The following ATP2A2 variants were observed in gnomAD, a reference collection of about 807,000 sequenced individuals.
ATP2A2 encodes sarcoplasmic/endoplasmic reticulum calcium ATPase 2.
Under a neutral mutation model 109.3 loss-of-function variants are expected in ATP2A2, and 14 were observed. That is an observed-to-expected ratio of 0.13 (90% CI 0.08 to 0.20). The LOEUF (loss-of-function observed/expected upper bound fraction) is 0.20. Among genes scored for constraint, ATP2A2 ranks in the 10% least tolerant of loss-of-function variants. The pLI, the probability that ATP2A2 is intolerant of heterozygous loss-of-function variation, is 1.00. For missense variants in ATP2A2, 657 were observed against 1,321.6 expected (o/e 0.50, Z 7.80); for synonymous variants, 506 against 490.9 (o/e 1.03, Z -0.41).
chr12:110,346,799 A>G lies in ATP2A2; in HGVS notation c.*329A>G. The stretch of plus-strand genomic sequence containing the variant: ...AGTTGAGCCAGCAGACATTGTCAGC[A>G]AATTAATTGGCAGCAGATTTTAGGA... On this transcript the variant is annotated 3_prime_UTR_variant, in exon 20 of 20. Coordinates refer to ENST00000539276, the MANE Select transcript of ATP2A2 (RefSeq NM_170665.4). 8.8e-7 allele frequency: 1 copy of G among 1,137,482 alleles called. No homozygotes were observed. The highest frequency in any genetic ancestry group is 1.1e-6 in the Non-Finnish European group (1 of 923,326). 70.5% of individuals were successfully genotyped at this position (1,137,482 alleles called of 1,614,324 possible). A position where few individuals can be genotyped will look rare whatever the true frequency, so the allele number is the denominator to read the frequency against.
chr12:110,329,523 TCTC>T (rs1455561004), intron 8 of ATP2A2: 2 of 152,298 alleles, frequency 1.3e-5, no homozygotes, highest in African/African-American at 4.8e-5. Context: ...TTCAAGCAAT[TCTC>T]CTGCTTCAGC....
chr12:110,284,530 T>C (rs3026443), intron 3 of ATP2A2, among the ~76,000 whole-genome samples: 2,209 of 152,318 alleles, frequency 0.015, 52 homozygotes, highest in African/African-American at 0.05. Flanking sequence ...TGAGTGACTT[T>C]ATATTAGCAT....
At chr12:110,334,537 C>T (rs1471772154) in intron 11 of ATP2A2, among the ~76,000 whole-genome samples, 1 of 150,658 alleles carries the variant, frequency 6.6e-6, no homozygotes, top group African/African-American at 2.4e-5. Context: ...TTCCTTTGAC[C>T]TTATTTCCCC....
chr12:110,303,326 C>CA (rs1874886283), intron 5 of ATP2A2, among the ~76,000 whole-genome samples: 1 of 152,084 alleles, frequency 6.6e-6, no homozygotes, highest in Non-Finnish European at 1.5e-5. Flanking sequence ...CTCCCAGTTT[C>CA]AAGTGATTCT....
In ATP2A2 at chr12:110,348,073, TTTC is replaced by T; in HGVS notation, c.*1604_*1606del. On this transcript the variant is annotated 3_prime_UTR_variant, in exon 20 of 20. Coordinates refer to ENST00000539276, the MANE Select transcript of ATP2A2 (RefSeq NM_170665.4). ...AAAAGCCGGAGTGGGGAGAGAGGCA[TTTC>T]AGCCAGACCAACAGGCTGAAGGAGC... 1 of 986,348 alleles carries T rather than the reference TTTC, an allele frequency of 1.0e-6. No individual in the cohort carries two copies. The highest frequency in any genetic ancestry group is 4.7e-5 in the South Asian group (1 of 21,328). 61.1% of individuals were successfully genotyped at this position (986,348 alleles called of 1,614,324 possible).
At position 110,340,506 on chromosome 12, in the gene ATP2A2, C is replaced by G. The variant is rs1160957116; in HGVS notation, c.1762-153C>G. On this transcript the variant is annotated intron_variant, in intron 13 of 19. Coordinates refer to ENST00000539276, the MANE Select transcript of ATP2A2 (RefSeq NM_170665.4). The surrounding 1 kb of genome is among the most constrained non-coding windows in gnomAD (Gnocchi z 6.0). Reference sequence around the variant, plus strand: ...TGAGCTGAGATTGCGCCATGGCACTCCAGCCTGGGCAACAAGAGCGAAACT... The same window carrying G: ...TGAGCTGAGATTGCGCCATGGCACTGCAGCCTGGGCAACAAGAGCGAAACT... Among the ~76,000 whole-genome samples the G allele has an allele frequency of 2.0e-5, 3 of 151,064 alleles. No homozygotes were observed. Among genetic ancestry groups the G allele is most frequent in the Admixed American group, 6.6e-5 (1 of 15,170 alleles).
intron 14 of ATP2A2, among the ~76,000 whole-genome samples, chr12:110,341,910 T>C (rs979629542): frequency 2.6e-5 from 4 of 152,218 alleles, no homozygotes; most frequent in African/African-American, 9.6e-5. Flanking sequence ...TGCATCTTTC[T>C]ACTTGAAATT....
chr12:110,293,604 A>G (rs969087790), intron 4 of ATP2A2, among the ~76,000 whole-genome samples: 2 of 151,296 alleles, frequency 1.3e-5, no homozygotes, highest in Non-Finnish European at 2.9e-5. Flanking sequence ...TTTGTTGGTC[A>G]GGCTGGTCTC....
rs1411192123 is a variant in ATP2A2, at chr12:110,349,901, G to C, written c.*3431G>C. The C allele has an allele frequency of 9.1e-7, 1 of 1,100,432 alleles. No individual in the cohort carries two copies. The highest frequency in any genetic ancestry group is 1.6e-5 in the African/African-American group (1 of 61,588). 68.2% of individuals were successfully genotyped at this position (1,100,432 alleles called of 1,614,324 possible). On this transcript the variant is annotated 3_prime_UTR_variant, in exon 20 of 20. Transcript: ENST00000539276. ...CAGAAGCCGGGTGCCCACAGGGCAG[G>C]GACAGGAAGGCTGTGCTGCTACTGG...
Position 110,348,117 on chromosome 12 carries a change from T to C in ATP2A2, c.*1647T>C. The C allele has an allele frequency of 4.1e-6, 4 of 985,542 alleles. No homozygotes were observed. The highest frequency in any genetic ancestry group is 4.8e-6 in the Non-Finnish European group (4 of 830,000). The allele number at this position is 985,542 out of a possible 1,614,324, so 61.0% of individuals were successfully genotyped here. A position where few individuals can be genotyped will look rare whatever the true frequency, so the allele number is the denominator to read the frequency against. On this transcript the variant is annotated 3_prime_UTR_variant, in exon 20 of 20. Coordinates refer to ENST00000539276, the MANE Select transcript of ATP2A2 (RefSeq NM_170665.4). ...CTGAAGGAGCTGTGCAGACTATTGC[T>C]AAAATGAGGGTTCGCAGCTGCCAGG...
chr12:110,306,329 G>A (rs183893050), intron 5 of ATP2A2, among the ~76,000 whole-genome samples: 28 of 152,324 alleles, frequency 1.8e-4, no homozygotes, highest in African/African-American at 4.8e-4. Flanking sequence ...GTGAGCCACC[G>A]CGCCCGGCCT....
chr12:110,347,561 A>G lies in ATP2A2; in HGVS notation c.*1091A>G. 1 of 1,284,528 alleles carries G rather than the reference A, an allele frequency of 7.8e-7. No individual in the cohort carries two copies. The highest frequency in any genetic ancestry group is 1.0e-6 in the Non-Finnish European group (1 of 985,362). 79.6% of individuals were successfully genotyped at this position (1,284,528 alleles called of 1,614,324 possible). A position where few individuals can be genotyped will look rare whatever the true frequency, so the allele number is the denominator to read the frequency against. On this transcript the variant is annotated 3_prime_UTR_variant, in exon 20 of 20. Coordinates refer to ENST00000539276, the MANE Select transcript of ATP2A2 (RefSeq NM_170665.4). Reference sequence around the variant, plus strand: ...GCCTGGTATAGAGAACATAAGGGCAAGTGTGTATGTGTGTGTATGTGTGTG... The same window carrying G: ...GCCTGGTATAGAGAACATAAGGGCAGGTGTGTATGTGTGTGTATGTGTGTG...
Position 110,350,424 on chromosome 12 carries a change from A to AACTT in ATP2A2, c.*3955_*3958dup. ...ATGTTGGGGAAAAAGAAAAGTAAAA[A>AACTT]ACTTCCCAACTCACTTTGTGTTATG... On this transcript the variant is annotated 3_prime_UTR_variant, in exon 20 of 20. Transcript: ENST00000539276. 6.6e-7 allele frequency: 1 copy of AACTT among 1,517,994 alleles called. No homozygotes were observed. Among genetic ancestry groups the AACTT allele is most frequent in the Non-Finnish European group, 9.1e-7 (1 of 1,096,384 alleles). 94.0% of individuals were successfully genotyped at this position (1,517,994 alleles called of 1,614,324 possible). A position where few individuals can be genotyped will look rare whatever the true frequency, so the allele number is the denominator to read the frequency against.
Position 110,340,549 on chromosome 12 carries a change from A to AG in ATP2A2, c.1762-110_1762-109insG. The AG allele has an allele frequency of 7.6e-7, 1 of 1,319,026 alleles. No homozygotes were observed. Among genetic ancestry groups the AG allele is most frequent in the Non-Finnish European group, 1.1e-6 (1 of 944,208 alleles). The allele number at this position is 1,319,026 out of a possible 1,614,324, so 81.7% of individuals were successfully genotyped here. A position where few individuals can be genotyped will look rare whatever the true frequency, so the allele number is the denominator to read the frequency against. On this transcript the variant is annotated intron_variant, in intron 13 of 19. Transcript: ENST00000539276. The surrounding 1 kb of genome is among the most constrained non-coding windows in gnomAD (Gnocchi z 6.0). The stretch of plus-strand genomic sequence containing the variant: ...GCGAAACTCCGCCTCAAAAAAAAAA[A>AG]AAGAAAAAAAATGCAGAAACCTGTC...
At chr12:110,317,253 A>G (rs1876764669) in intron 5 of ATP2A2, among the ~76,000 whole-genome samples, 1 of 152,222 alleles carries the variant, frequency 6.6e-6, no homozygotes, top group Admixed American at 6.5e-5. Flanking sequence ...ATTCAAAAAC[A>G]ACAGTGGCAT....
chr12:110,305,050 C>T (rs1040038821), intron 5 of ATP2A2, among the ~76,000 whole-genome samples: 2 of 152,060 alleles, frequency 1.3e-5, no homozygotes, highest in African/African-American at 4.8e-5. Flanking sequence ...TCTCCCGCCT[C>T]AGTCTCCCGA....
intron 11 of ATP2A2, among the ~76,000 whole-genome samples, chr12:110,336,658 C>T (rs946009273): frequency 1.3e-5 from 2 of 152,182 alleles, no homozygotes; most frequent in Non-Finnish European, 2.9e-5. Context: ...AGCATTTTGT[C>T]TCCTTTATAC....
At position 110,348,641 on chromosome 12, in the gene ATP2A2, CAGA is replaced by C. The variant is rs1397300236; in HGVS notation, c.*2174_*2176del. 1 of 985,178 alleles carries C rather than the reference CAGA, an allele frequency of 1.0e-6. No individual in the cohort carries two copies. The highest frequency in any genetic ancestry group is 1.2e-6 in the Non-Finnish European group (1 of 829,938). 61.0% of individuals were successfully genotyped at this position (985,178 alleles called of 1,614,324 possible). A position where few individuals can be genotyped will look rare whatever the true frequency, so the allele number is the denominator to read the frequency against. The stretch of plus-strand genomic sequence containing the variant: ...AGTCTCAGCCCTTTGGAGGCCACAG[CAGA>C]AGGATTGCTTGAGCCCAGGTACTCA... On this transcript the variant is annotated 3_prime_UTR_variant, in exon 20 of 20. Transcript: ENST00000539276.
In ATP2A2 at chr12:110,348,958, T is replaced by C; in HGVS notation, c.*2488T>C. 2 of 985,470 alleles carry C rather than the reference T, an allele frequency of 2.0e-6. No individual in the cohort carries two copies. The highest frequency in any genetic ancestry group is 2.4e-6 in the Non-Finnish European group (2 of 829,970). The allele number at this position is 985,470 out of a possible 1,614,324, so 61.0% of individuals were successfully genotyped here. ...CAAAACTCAGCTTTTCCTGACTCAG[T>C]TCCTTGACTTAGTGGCCTTTACAAA... is the stretch of plus-strand genomic sequence containing the variant. On this transcript the variant is annotated 3_prime_UTR_variant, in exon 20 of 20. Transcript: ENST00000539276.
Sources: allele counts gnomAD v4.1 joint callset (sites outside exome capture counted in the v4.1 genomes callset), GRCh38; gene constraint gnomAD v4.1.1; non-coding constraint Gnocchi (gnomAD v3.1); transcripts MANE v1.5; gene names NCBI Gene and HGNC (gene_info 2026-07-23, HGNC 2026-07-21).